The following CHAF1A variants were observed in gnomAD, a reference collection of about 807,000 sequenced individuals.
CHAF1A encodes chromatin assembly factor 1 subunit A.
CHAF1A carries 5 observed loss-of-function variants against 93.2 expected under a neutral mutation model. That is an observed-to-expected ratio of 0.05 (90% CI 0.03 to 0.11). CHAF1A has a LOEUF of 0.11. CHAF1A is among the 10% of genes least tolerant of loss of function. CHAF1A has a pLI of 1.00. For synonymous variants in CHAF1A, 504 were observed against 510.3 expected (o/e 0.99, Z 0.17); for missense variants, 1,102 against 1,259.9 (o/e 0.87, Z 1.90).
At chr19:4,445,541 A>G (rs751909205), downstream of CHAF1A, 6 of 1,613,794 alleles carry the variant, frequency 3.7e-6, no homozygotes, top group African/African-American at 6.7e-5. Context: ...GGGTTTCAGG[A>G]TGGAGTCCGG....
chr19:4,424,203 A>C (rs943541489), intron 7 of CHAF1A, among the ~76,000 whole-genome samples: 2 of 152,208 alleles, frequency 1.3e-5, no homozygotes, highest in African/African-American at 2.4e-5. Context: ...TTTAGCTGTA[A>C]AACAACAGTA....
rs1974190407 is a variant in CHAF1A at position 4,431,950 on chromosome 19, A to T, written c.1948-2A>T. 6.2e-7 allele frequency: 1 copy of T among 1,601,302 alleles called. No homozygotes were observed. Among genetic ancestry groups the T allele is most frequent in the Admixed American group, 1.7e-5 (1 of 59,060 alleles). On this transcript the variant is annotated splice_acceptor_variant, in intron 11 of 14. Coordinates refer to ENST00000301280, the MANE Select transcript of CHAF1A (RefSeq NM_005483.3). LOFTEE classifies it high-confidence loss of function. Reference sequence around the variant, plus strand: ...ATAAACTTCTGCTTTCTAAACCACAAGGAGTGTGCCGACCCTGAGAACCAT... The same window carrying T: ...ATAAACTTCTGCTTTCTAAACCACATGGAGTGTGCCGACCCTGAGAACCAT...
rs187972086 is a variant in CHAF1A at position 4,433,957 on chromosome 19, C to T, written c.2673+418C>T. 7.2e-5 allele frequency among the ~76,000 whole-genome samples: 11 copies of T among 152,126 alleles called. No individual in the cohort carries two copies. In the East Asian group the frequency reaches 1.4e-3, roughly 19 times the overall value. Reference sequence around the variant, plus strand: ...AGCAGTTTTAGGGTCACAGCAAAATCGATTGGAAGGTACAGAAAGTTCCCA... The same window carrying T: ...AGCAGTTTTAGGGTCACAGCAAAATTGATTGGAAGGTACAGAAAGTTCCCA... On this transcript the variant is annotated intron_variant, in intron 13 of 14. Coordinates refer to ENST00000301280, the MANE Select transcript of CHAF1A (RefSeq NM_005483.3). This position sits in a 1 kb window ranked among gnomAD's most constrained non-coding sequence, Gnocchi z 5.6.
chr19:4,433,366 C>A lies in CHAF1A; in HGVS notation c.2500C>A (p.Pro834Thr). The change falls in exon 13 of 15, where the codon CCC (proline) becomes ACC (threonine). Residue 834 changes from proline to threonine, a missense_variant. Transcript: ENST00000301280. This position sits in a 1 kb window ranked among gnomAD's most constrained non-coding sequence, Gnocchi z 5.6. Reference sequence around the variant, plus strand: ...ACAGAGCTTCCAGCAGGAGCACCTGCCCGTGCCGTGCCAGTGGAGCTATGT... The same window carrying A: ...ACAGAGCTTCCAGCAGGAGCACCTGACCGTGCCGTGCCAGTGGAGCTATGT... ...VLQSFQQEHL[P>T]VPCQWSYVTS... The A allele has an allele frequency of 6.2e-7, 1 of 1,613,132 alleles. No homozygotes were observed. Among genetic ancestry groups the A allele is most frequent in the Non-Finnish European group, 8.5e-7 (1 of 1,179,168 alleles).
Position 4,443,067 on chromosome 19 carries a change from C to G in CHAF1A, c.*42C>G, listed in dbSNP as rs1190753809. 3 of 1,273,670 alleles carry G rather than the reference C, an allele frequency of 2.4e-6. No individual in the cohort carries two copies. In the Admixed American group the frequency reaches 5.9e-5, roughly 25 times the overall value. 78.9% of individuals were successfully genotyped at this position (1,273,670 alleles called of 1,614,324 possible). A position where few individuals can be genotyped will look rare whatever the true frequency, so the allele number is the denominator to read the frequency against. On this transcript the variant is annotated 3_prime_UTR_variant, in exon 15 of 15. Coordinates refer to ENST00000301280, the MANE Select transcript of CHAF1A (RefSeq NM_005483.3). ...TGTAGAATGCTTAGGGTGTCCTCCC[C>G]ACAGAGCAGATACTTGAACCGACTC... is the stretch of plus-strand genomic sequence containing the variant.
intron 3 of CHAF1A, 54 bp downstream of exon 3, chr19:4,409,813 C>A (rs1973759894): frequency 1.3e-6 from 2 of 1,541,240 alleles, no homozygotes; most frequent in South Asian, 2.5e-5. Flanking sequence ...TCTCAGAGCG[C>A]TGTCAGTCTC....
At chr19:4,448,354 T>C (rs1476931076), downstream of CHAF1A, 6 of 1,610,316 alleles carry the variant, frequency 3.7e-6, no homozygotes, top group Non-Finnish European at 5.1e-6. Context: ...CACCCGGTCC[T>C]GGTCTTTGTT....
chr19:4,444,725 G>A (rs1974466010), downstream of CHAF1A: 1 of 152,414 alleles, frequency 6.6e-6, no homozygotes, highest in African/African-American at 2.4e-5. Flanking sequence ...GCCGTCTCAG[G>A]ACACCCTGTC....
In CHAF1A at chr19:4,442,992, C is replaced by T. The variant is rs1316001405; in HGVS notation, c.2838C>T (p.Ala946=). The part of the protein sequence containing the change: ...GGGVGVDTGK[A]TLTASPLGAS ...GTGTGGGGGTGGACACCGGCAAGGC[C>T]ACCCTGACCGCGAGCCCACTGGGTG... Residue 946 remains alanine, a synonymous_variant, in exon 15 of 15, where the codon GCC becomes GCT. Transcript: ENST00000301280. 2 of 1,601,524 alleles carry T rather than the reference C, an allele frequency of 1.2e-6. No homozygotes were observed. Among genetic ancestry groups the T allele is most frequent in the Admixed American group, 1.7e-5 (1 of 57,850 alleles).
intron 1 of CHAF1A, among the ~76,000 whole-genome samples, chr19:4,405,642 A>G (rs997053186): frequency 6.1e-5 from 9 of 148,660 alleles, no homozygotes; most frequent in South Asian, 2.1e-4. Context: ...TTTTTGGCCC[A>G]TATAATTCTT....
At chr19:4,404,018 A>C (rs561913193) in intron 1 of CHAF1A, among the ~76,000 whole-genome samples, 17 of 151,366 alleles carry the variant, frequency 1.1e-4, no homozygotes, top group Non-Finnish European at 2.2e-4. Flanking sequence ...ACGGGGTTTC[A>C]CCATGTTGGG....
In CHAF1A at chr19:4,405,827, G is replaced by A. The variant is rs1310385823; in HGVS notation, c.53-85G>A. The A allele has an allele frequency of 5.8e-6, 7 of 1,213,140 alleles. No homozygotes were observed. The African/African-American group carries it at 7.5e-5, about 13-fold the overall frequency. 75.1% of individuals were successfully genotyped at this position (1,213,140 alleles called of 1,614,324 possible). A position where few individuals can be genotyped will look rare whatever the true frequency, so the allele number is the denominator to read the frequency against. ...GAGGGGTCAGAATTGCCTCCACCTT[G>A]TACATAATTGGCTCTACATATGTAT... On this transcript the variant is annotated intron_variant, in intron 1 of 14. Transcript: ENST00000301280.
At chr19:4,444,079 C>A (rs1974450041), downstream of CHAF1A, among the ~76,000 whole-genome samples, 1 of 152,210 alleles carries the variant, frequency 6.6e-6, no homozygotes, top group African/African-American at 2.4e-5. Flanking sequence ...CCCTGTGCCA[C>A]ACCTTTGATG....
In CHAF1A at chr19:4,422,351, G is replaced by T. The variant is rs1316788908; in HGVS notation, c.1018-215G>T. ...TTTAGTAGAGACAGGGTTTCACCCT[G>T]TTGACCAGGCTGGTCTCAAACTCCT... On this transcript the variant is annotated intron_variant, in intron 4 of 14. Transcript: ENST00000301280. The surrounding 1 kb of genome is among the most constrained non-coding windows in gnomAD (Gnocchi z 4.6). Among the ~76,000 whole-genome samples, 1 of 150,290 alleles carries T rather than the reference G, an allele frequency of 6.7e-6. No homozygotes were observed. The highest frequency in any genetic ancestry group is 1.5e-5 in the Non-Finnish European group (1 of 67,576).
downstream of CHAF1A, chr19:4,448,457 G>A (rs752479381): frequency 3.6e-5 from 55 of 1,518,056 alleles, no homozygotes; most frequent in Admixed American, 7.9e-4. Flanking sequence ...CTGAGAGCCC[G>A]GGCCGCACGG....
chr19:4,418,756 G>A (rs1040274575), intron 4 of CHAF1A, among the ~76,000 whole-genome samples: 4 of 152,074 alleles, frequency 2.6e-5, no homozygotes, highest in Non-Finnish European at 5.9e-5. Flanking sequence ...TATAACATCT[G>A]AATAGCCTCT....
At chr19:4,438,645 G>GT (rs1178287041) in intron 13 of CHAF1A, among the ~76,000 whole-genome samples, 9 of 152,184 alleles carry the variant, frequency 5.9e-5, no homozygotes, top group African/African-American at 2.2e-4. Flanking sequence ...GGAAGGATGT[G>GT]TTTGCCCTTG....
At chr19:4,442,211 G>A (rs754220626) in intron 13 of CHAF1A, 34 bp from the exon 14 acceptor site, 20 of 1,587,250 alleles carry the variant, frequency 1.3e-5, no homozygotes, top group Non-Finnish European at 1.5e-5. Context: ...GCTGCTGCCT[G>A]CAGTGCTGAT....
chr19:4,431,948 C>G lies in CHAF1A; in HGVS notation c.1948-4C>G. The G allele has an allele frequency of 6.2e-7, 1 of 1,600,944 alleles. No homozygotes were observed. The highest frequency in any genetic ancestry group is 1.7e-5 in the Admixed American group (1 of 59,080). On this transcript the variant is annotated splice_region_variant and splice_polypyrimidine_tract_variant and intron_variant, in intron 11 of 14. Coordinates refer to ENST00000301280, the MANE Select transcript of CHAF1A (RefSeq NM_005483.3). Reference sequence around the variant, plus strand: ...AAATAAACTTCTGCTTTCTAAACCACAAGGAGTGTGCCGACCCTGAGAACC... The same window carrying G: ...AAATAAACTTCTGCTTTCTAAACCAGAAGGAGTGTGCCGACCCTGAGAACC...
Sources: allele counts gnomAD v4.1 joint callset (sites outside exome capture counted in the v4.1 genomes callset), GRCh38; gene constraint gnomAD v4.1.1; non-coding constraint Gnocchi (gnomAD v3.1); transcripts MANE v1.5; gene names NCBI Gene and HGNC (gene_info 2026-07-23, HGNC 2026-07-21).